Variants in AFF4 observed in about 807,000 individuals in gnomAD.
AFF4 encodes the protein ALF transcription elongation factor 4, also known as AF4/FMR2 family member 4.
In AFF4, 13 loss-of-function variants were observed where a neutral mutation model predicts 124.8. The ratio of observed to expected loss-of-function variants is 0.10; its 90% CI spans 0.07 to 0.17. The LOEUF (loss-of-function observed/expected upper bound fraction) is 0.17, where lower values mean the gene tolerates loss of function less well. AFF4 is among the 10% of genes least tolerant of loss of function. The probability of loss-of-function intolerance (pLI) is 1.00; values close to 1 mark genes in which losing one functional copy is unlikely to be tolerated. For synonymous variants in AFF4, 477 were observed against 496.1 expected, an observed-to-expected ratio of 0.96 and a Z score of 0.51; for missense variants, 1,092 against 1,403.8, an observed-to-expected ratio of 0.78 and a Z score of 3.55.
At chr5:132,935,603 T>G (rs1035403104) in intron 2 of AFF4, among the ~76,000 whole-genome samples, 1 of 152,074 alleles carries the variant, frequency 6.6e-6, no homozygotes, top group Non-Finnish European at 1.5e-5. Flanking sequence ...AAACCCCGTT[T>G]CTATTAAAAA....
At chr5:132,900,357 G>C (rs6867063) in intron 7 of AFF4, among the ~76,000 whole-genome samples, 2,497 of 152,258 alleles carry the variant, frequency 0.016, 76 homozygotes, top group African/African-American at 0.057. Flanking sequence ...ATGAGTTCGA[G>C]ACCAGCCAGG....
At chr5:132,926,146 A>C (rs1379166192) in intron 5 of AFF4, 5 of 362,148 alleles carry the variant, frequency 1.4e-5, no homozygotes, top group Non-Finnish European at 2.8e-5. Flanking sequence ...GCGTAGAAAT[A>C]AATAAGAAAA....
Position 132,876,049 on chromosome 5 carries a change from C to T in AFF4, c.*5010G>A, listed in dbSNP as rs1759829912. 1 of 225,036 alleles carries T rather than the reference C, an allele frequency of 4.4e-6. No homozygotes were observed. Among genetic ancestry groups the T allele is most frequent in the African/African-American group, 2.2e-5 (1 of 44,812 alleles). 13.9% of individuals were successfully genotyped at this position (225,036 alleles called of 1,614,324 possible). A position where few individuals can be genotyped will look rare whatever the true frequency, so the allele number is the denominator to read the frequency against. ...TTTTCAATAAATATATAAGCATTTC[C>T]ATCCTCCATATACAAAATTTCTTAA... On this transcript the variant is annotated 3_prime_UTR_variant, in exon 21 of 21. Coordinates refer to ENST00000265343, the MANE Select transcript of AFF4 (RefSeq NM_014423.4).
intron 1 of AFF4, among the ~76,000 whole-genome samples, chr5:132,955,613 A>G (rs1761936272): frequency 6.6e-6 from 1 of 151,514 alleles, no homozygotes; most frequent in African/African-American, 2.4e-5. Flanking sequence ...CCCCATCTCT[A>G]CTAAAAATAC....
At chr5:132,924,426 A>C (rs982800606) in intron 5 of AFF4, among the ~76,000 whole-genome samples, 1 of 152,248 alleles carries the variant, frequency 6.6e-6, no homozygotes, top group African/African-American at 2.4e-5. Context: ...GACATAAAAT[A>C]GATCAGAAAT....
chr5:132,948,757 C>A, intron 1 of AFF4: 1 of 170,278 alleles, frequency 5.9e-6, no homozygotes, highest in South Asian at 1.6e-4. Flanking sequence ...TCATTGAAAT[C>A]AAGAAAGCGA....
intron 1 of AFF4, among the ~76,000 whole-genome samples, chr5:132,950,492 C>A (rs937186205): frequency 1.3e-5 from 2 of 151,454 alleles, no homozygotes; most frequent in African/African-American, 4.8e-5. Context: ...AATAAATAAA[C>A]AAGCAAGCAA....
At chr5:132,890,151 A>G (rs966471760) in intron 13 of AFF4, among the ~76,000 whole-genome samples, 5 of 151,250 alleles carry the variant, frequency 3.3e-5, no homozygotes, top group African/African-American at 4.8e-5. Context: ...TTTACCCCAT[A>G]TAAAATTTTT....
intron 13 of AFF4, among the ~76,000 whole-genome samples, chr5:132,891,547 G>A (rs1237592265): frequency 2.0e-5 from 3 of 152,172 alleles, no homozygotes; most frequent in Admixed American, 1.3e-4. Flanking sequence ...CCTGCATTGT[G>A]AGTATCCTAG....
intron 1 of AFF4, among the ~76,000 whole-genome samples, chr5:132,955,880 T>G: frequency 6.9e-6 from 1 of 145,110 alleles, no homozygotes; most frequent in East Asian, 2.0e-4. Flanking sequence ...ATAATATACA[T>G]CAGAGTATAT....
At chr5:132,923,453 T>C (rs1761101044) in intron 5 of AFF4, among the ~76,000 whole-genome samples, 1 of 152,030 alleles carries the variant, frequency 6.6e-6, no homozygotes. Context: ...TAGTTTTCAG[T>C]TTACTATAAA....
rs2150057259 is a variant in AFF4 at position 132,875,865 on chromosome 5, G to A, written c.*5194C>T. 4.5e-6 allele frequency: 1 copy of A among 222,226 alleles called. No homozygotes were observed. Among genetic ancestry groups the A allele is most frequent in the East Asian group, 6.6e-5 (1 of 15,096 alleles). 13.8% of individuals were successfully genotyped at this position (222,226 alleles called of 1,614,324 possible). On this transcript the variant is annotated 3_prime_UTR_variant, in exon 21 of 21. Coordinates refer to ENST00000265343, the MANE Select transcript of AFF4 (RefSeq NM_014423.4). Reference sequence around the variant, plus strand: ...AAAAGAAATGTAAAACAAAGATTTGGTTCATGTACAAAACAAAGGCATCCT... The same window carrying A: ...AAAAGAAATGTAAAACAAAGATTTGATTCATGTACAAAACAAAGGCATCCT...
chr5:132,892,034 T>TAG, intron 13 of AFF4, 130 bp downstream of exon 13: 1 of 1,330,480 alleles, frequency 7.5e-7, no homozygotes, highest in Non-Finnish European at 1.1e-6. Context: ...TTATTACATA[T>TAG]AGAGGGTAAA....
At chr5:132,939,664 G>T (rs1330051094) in intron 1 of AFF4, among the ~76,000 whole-genome samples, 2 of 152,220 alleles carry the variant, frequency 1.3e-5, no homozygotes, top group Admixed American at 6.5e-5. Flanking sequence ...AGGTTGAAGT[G>T]CGATGGCACG....
chr5:132,883,284 A>G, intron 20 of AFF4, 56 bp downstream of exon 20: 1 of 1,523,344 alleles, frequency 6.6e-7, no homozygotes, highest in Non-Finnish European at 9.1e-7. Flanking sequence ...TAACTAAATT[A>G]TAAAAGTTCC....
chr5:132,902,258 G>A (rs772980898), intron 7 of AFF4, among the ~76,000 whole-genome samples, 184 bp downstream of exon 7: 3 of 152,062 alleles, frequency 2.0e-5, no homozygotes, highest in Non-Finnish European at 4.4e-5. Context: ...ACGTTGGCCA[G>A]GCTGGTCTCG....
chr5:132,957,900 C>A (rs186195218), intron 1 of AFF4, among the ~76,000 whole-genome samples: 1 of 151,914 alleles, frequency 6.6e-6, no homozygotes, highest in African/African-American at 2.4e-5. Context: ...ATGGGAATAA[C>A]CACAATAAAA....
intron 1 of AFF4, among the ~76,000 whole-genome samples, chr5:132,957,257 C>T (rs539298234): frequency 2.2e-4 from 33 of 150,982 alleles, no homozygotes; most frequent in Non-Finnish European, 3.5e-4. Context: ...AGGAGGATCA[C>T]ATGTGTGCAG....
intron 5 of AFF4, among the ~76,000 whole-genome samples, chr5:132,907,376 T>C (rs1236307891): frequency 6.6e-6 from 1 of 152,168 alleles, no homozygotes; most frequent in Non-Finnish European, 1.5e-5. Context: ...CCAAACTCTC[T>C]GGCAACACAC....
Sources: allele counts gnomAD v4.1 joint callset (sites outside exome capture counted in the v4.1 genomes callset), GRCh38; gene constraint gnomAD v4.1.1; transcripts MANE v1.5; gene names NCBI Gene and HGNC (gene_info 2026-07-23, HGNC 2026-07-21).